The following ATP6V1G3 variants were observed in gnomAD, a reference collection of about 807,000 sequenced individuals.
ATP6V1G3 encodes V-type proton ATPase subunit G 3.
In ATP6V1G3, 9 loss-of-function variants were observed where a neutral mutation model predicts 9.3. The observed-to-expected ratio is 0.97, with a 90% CI of 0.59 to 1.69. The LOEUF (loss-of-function observed/expected upper bound fraction) is 1.69. Among genes scored for constraint, ATP6V1G3 ranks in the 40% most tolerant of loss-of-function variants. ATP6V1G3 has a pLI of 0.00. For missense variants in ATP6V1G3, 133 were observed against 139.0 expected, an observed-to-expected ratio of 0.96 and a Z score of 0.22; for synonymous variants, 43 against 43.8, an observed-to-expected ratio of 0.98 and a Z score of 0.07.
At chr1:198,524,724 A>G (rs1434539039) in intron 2 of ATP6V1G3, among the ~76,000 whole-genome samples, 1 of 152,202 alleles carries the variant, frequency 6.6e-6, no homozygotes, top group African/African-American at 2.4e-5. Context: ...TAAAGCAAAA[A>G]AAATCAACTC....
chr1:198,539,159 CA>C (rs963323464), intron 1 of ATP6V1G3, among the ~76,000 whole-genome samples: 1 of 152,130 alleles, frequency 6.6e-6, no homozygotes, highest in African/African-American at 2.4e-5. Flanking sequence ...TTGATGCCCA[CA>C]TTGCTGAGTG....
chr1:198,532,309 C>T (rs1212400968), intron 1 of ATP6V1G3, among the ~76,000 whole-genome samples: 1 of 151,926 alleles, frequency 6.6e-6, no homozygotes, highest in Non-Finnish European at 1.5e-5. Flanking sequence ...TTGGAAGGAG[C>T]CAGTAGTAGT....
intron 1 of ATP6V1G3, among the ~76,000 whole-genome samples, chr1:198,534,153 T>A (rs191707981): frequency 2.4e-4 from 36 of 152,288 alleles, no homozygotes; most frequent in African/African-American, 8.4e-4. Flanking sequence ...CTGGTACCTC[T>A]GATGTAACCT....
At chr1:198,525,643 A>G (rs1344314072) in intron 2 of ATP6V1G3, among the ~76,000 whole-genome samples, 1 of 152,160 alleles carries the variant, frequency 6.6e-6, no homozygotes, top group African/African-American at 2.4e-5. Flanking sequence ...ATCTAATAAT[A>G]TTCATATTTT....
chr1:198,529,516 G>A (rs1459934025), intron 1 of ATP6V1G3, among the ~76,000 whole-genome samples: 3 of 151,848 alleles, frequency 2.0e-5, no homozygotes, highest in African/African-American at 7.3e-5. Flanking sequence ...CAGCAGTAAT[G>A]CCAGAGAACA....
chr1:198,533,625 A>G (rs565733809), intron 1 of ATP6V1G3, among the ~76,000 whole-genome samples: 1 of 152,308 alleles, frequency 6.6e-6, no homozygotes, highest in East Asian at 1.9e-4. Flanking sequence ...GCTGGTGTTT[A>G]TATGAACTTA....
At chr1:198,528,730 A>G (rs1571714429) in intron 2 of ATP6V1G3, among the ~76,000 whole-genome samples, 2 of 151,994 alleles carry the variant, frequency 1.3e-5, no homozygotes, top group South Asian at 4.1e-4. Context: ...ATATAAAAAC[A>G]TGTTCTCTGA....
chr1:198,530,723 A>G (rs12094907), intron 1 of ATP6V1G3, among the ~76,000 whole-genome samples: 36 of 152,184 alleles, frequency 2.4e-4, no homozygotes, highest in East Asian at 1.7e-3. Context: ...TGTGACAACT[A>G]CATATATATT....
intron 2 of ATP6V1G3, among the ~76,000 whole-genome samples, chr1:198,527,746 C>A (rs1008187483): frequency 6.6e-6 from 1 of 152,054 alleles, no homozygotes; most frequent in African/African-American, 2.4e-5. Flanking sequence ...AGAAATGATT[C>A]TTTTGGTGTT....
intron 1 of ATP6V1G3, among the ~76,000 whole-genome samples, chr1:198,534,092 G>A (rs971155773): frequency 1.3e-5 from 2 of 152,202 alleles, no homozygotes; most frequent in African/African-American, 4.8e-5. Flanking sequence ...GGATTTGACA[G>A]CTAGAGGATT....
rs1245578690 is a variant in ATP6V1G3 at position 198,540,665 on chromosome 1, A to T, written c.-15T>A. ...TGGCTTGTCATGGTAGTCTGCTCCA[A>T]GCAAGTGGCTTCTGTGAAATCTGGG... On this transcript the variant is annotated 5_prime_UTR_variant, in exon 1 of 3. It adds an upstream start codon to the 5' untranslated region. Transcript: ENST00000367382. 2.5e-6 allele frequency: 4 copies of T among 1,611,904 alleles called. No individual in the cohort carries two copies. Among genetic ancestry groups the T allele is most frequent in the Non-Finnish European group, 3.4e-6 (4 of 1,178,108 alleles).
chr1:198,539,016 A>G (rs112308466), intron 1 of ATP6V1G3, among the ~76,000 whole-genome samples: 1,620 of 152,280 alleles, frequency 0.011, 25 homozygotes, highest in African/African-American at 0.033. Flanking sequence ...CTCTACATTC[A>G]TATCATCTTG....
intron 1 of ATP6V1G3, among the ~76,000 whole-genome samples, chr1:198,531,519 G>GC (rs1372307713): frequency 2.3e-4 from 35 of 152,238 alleles, no homozygotes; most frequent in African/African-American, 7.0e-4. Context: ...TCAATTTTGG[G>GC]CAGGTTAAAA....
chr1:198,529,215 T>TATAA (rs1553274432), intron 1 of ATP6V1G3, 34 bp from the exon 2 acceptor site: 87 of 416,014 alleles, frequency 2.1e-4, no homozygotes, highest in African/African-American at 1.7e-3. Context: ...TATATATATA[T>TATAA]AATTATATAT....
chr1:198,529,467 C>T (rs935574750), intron 1 of ATP6V1G3, among the ~76,000 whole-genome samples: 2 of 151,152 alleles, frequency 1.3e-5, no homozygotes, highest in Non-Finnish European at 3.0e-5. Flanking sequence ...CTTTTTTTTG[C>T]ACTTACATGT....
chr1:198,532,360 C>T (rs927421845), intron 1 of ATP6V1G3, among the ~76,000 whole-genome samples: 4 of 151,896 alleles, frequency 2.6e-5, no homozygotes, highest in African/African-American at 7.3e-5. Flanking sequence ...GAGAACATTC[C>T]AAGAAGGATA....
intron 2 of ATP6V1G3, among the ~76,000 whole-genome samples, chr1:198,524,786 G>C (rs572146838): frequency 6.6e-6 from 1 of 152,270 alleles, no homozygotes; most frequent in East Asian, 1.9e-4. Flanking sequence ...GCATTTTAAA[G>C]GCAAGAAGAC....
chr1:198,523,605 T>A (rs1294329111), intron 2 of ATP6V1G3, 41 bp from the exon 3 acceptor site: 1 of 1,573,800 alleles, frequency 6.4e-7, no homozygotes, highest in Non-Finnish European at 8.6e-7. Flanking sequence ...CATAATACAA[T>A]TGTTTTACAA....
In ATP6V1G3 at chr1:198,524,764, T is replaced by C. The variant is rs150125533; in HGVS notation, c.184-1200A>G. Among the ~76,000 whole-genome samples the C allele has an allele frequency of 2.2e-3, 335 of 152,318 alleles. 1 individual carries two copies. The highest frequency in any genetic ancestry group is 7.8e-3 in the African/African-American group (325 of 41,572). ...CGTATCTCCTTTGTAAACTTAGTCT[T>C]TCCTACACATGGCATTTTAAAGGCA... is the stretch of plus-strand genomic sequence containing the variant. On this transcript the variant is annotated intron_variant, in intron 2 of 2. Transcript: ENST00000367382.
Sources: gnomAD v4.1 joint callset for allele counts (sites outside exome capture counted in the v4.1 genomes callset) on GRCh38, gnomAD v4.1.1 for gene constraint, MANE v1.5 for transcripts, NCBI Gene and HGNC (gene_info 2026-07-23, HGNC 2026-07-21) for gene names.